Variants in CAPZB observed in about 807,000 individuals in gnomAD.
CAPZB encodes the protein capping actin protein of muscle Z-line subunit beta.
A neutral mutation model predicts 38.1 loss-of-function variants in CAPZB; 2 were observed. The observed-to-expected ratio is 0.05, with a 90% CI of 0.02 to 0.17. CAPZB has a LOEUF of 0.17. CAPZB is among the 10% of genes least tolerant of loss of function. CAPZB has a pLI of 1.00. For missense variants in CAPZB, 161 were observed against 334.2 expected, an observed-to-expected ratio of 0.48 and a Z score of 4.04; for synonymous variants, 107 against 127.4, an observed-to-expected ratio of 0.84 and a Z score of 1.08.
intron 4 of CAPZB, among the ~76,000 whole-genome samples, chr1:19,362,629 G>A (rs563416335): frequency 4.6e-5 from 7 of 152,068 alleles, no homozygotes; most frequent in East Asian, 1.9e-4. Flanking sequence ...CCAGGAGTTC[G>A]AGGCCAGCCT....
intron 2 of CAPZB, among the ~76,000 whole-genome samples, chr1:19,405,472 TC>T (rs747354362): frequency 3.4e-5 from 5 of 146,926 alleles, no homozygotes; most frequent in African/African-American, 1.0e-4. Flanking sequence ...GTATTAAGCC[TC>T]TTTAAAACAC....
At chr1:19,456,241 A>G (rs1000890152) in intron 1 of CAPZB, among the ~76,000 whole-genome samples, 3 of 152,224 alleles carry the variant, frequency 2.0e-5, no homozygotes, top group Non-Finnish European at 4.4e-5. Flanking sequence ...AGGGCAACCA[A>G]CAATCTGCTG....
At chr1:19,418,812 C>T (rs151154522) in intron 2 of CAPZB, among the ~76,000 whole-genome samples, 46 of 152,342 alleles carry the variant, frequency 3.0e-4, no homozygotes, top group African/African-American at 1.1e-3. Flanking sequence ...ATCACTACAG[C>T]ATATGAACAA....
chr1:19,380,896 G>A (rs774572861), intron 3 of CAPZB, among the ~76,000 whole-genome samples: 41 of 152,062 alleles, frequency 2.7e-4, no homozygotes, highest in African/African-American at 7.0e-4. Context: ...TTGGCCAGGC[G>A]CGGTAGCTCA....
chr1:19,366,479 A>T (rs2094088951), intron 4 of CAPZB, among the ~76,000 whole-genome samples: 2 of 151,498 alleles, frequency 1.3e-5, no homozygotes, highest in Non-Finnish European at 2.9e-5. Flanking sequence ...ACCTGAGGTC[A>T]GGAGTTCGAA....
intron 2 of CAPZB, among the ~76,000 whole-genome samples, chr1:19,391,181 A>C (rs762327996): frequency 1.6e-4 from 25 of 151,850 alleles, no homozygotes; most frequent in Non-Finnish European, 2.9e-4. Context: ...ATATGGTTCT[A>C]CTTTGCCTCT....
chr1:19,424,997 A>AC (rs2094417158), intron 1 of CAPZB, among the ~76,000 whole-genome samples: 3 of 152,384 alleles, frequency 2.0e-5, no homozygotes, highest in African/African-American at 7.2e-5. Flanking sequence ...TGTGGTGTGT[A>AC]CAATGATGAG....
chr1:19,370,810 C>A (rs1460973658), intron 4 of CAPZB, among the ~76,000 whole-genome samples: 4 of 152,182 alleles, frequency 2.6e-5, no homozygotes, highest in African/African-American at 4.8e-5. Flanking sequence ...CTGTAACCGA[C>A]CCACAGTTCC....
chr1:19,437,269 C>CAGG (rs1316303839), intron 1 of CAPZB, among the ~76,000 whole-genome samples: 2 of 152,194 alleles, frequency 1.3e-5, no homozygotes, highest in African/African-American at 4.8e-5. Flanking sequence ...CACAAGTCCT[C>CAGG]AGCCTGTGTC....
rs1438668031 is a variant in CAPZB, at chr1:19,478,190, C to T, written c.3+7246G>A. On this transcript the variant is annotated intron_variant, in intron 1 of 8. Transcript: ENST00000264202. ...GTCTGGTGTTTAAACAGAATGAGCC[C>T]CTTAAGACCACTCTCCTTGGGCAAG... is the stretch of plus-strand genomic sequence containing the variant. 2.0e-5 allele frequency among the ~76,000 whole-genome samples: 3 copies of T among 152,126 alleles called. No homozygotes were observed. The East Asian group carries it at 5.8e-4, about 29-fold the overall frequency.
At chr1:19,430,886 A>G (rs1371282718) in intron 1 of CAPZB, among the ~76,000 whole-genome samples, 1 of 152,116 alleles carries the variant, frequency 6.6e-6, no homozygotes, top group Non-Finnish European at 1.5e-5. Context: ...CAACAAACTC[A>G]TTGCTCAGGA....
chr1:19,366,284 AT>A (rs747261686), intron 4 of CAPZB, among the ~76,000 whole-genome samples: 28,319 of 89,100 alleles, frequency 0.32, 3,795 homozygotes, highest in South Asian at 0.42. Context: ...GTGTCTTAAA[AT>A]ATATATATAT....
chr1:19,398,875 ACT>A (rs2094287792), intron 2 of CAPZB, among the ~76,000 whole-genome samples: 1 of 110,260 alleles, frequency 9.1e-6, no homozygotes, highest in Non-Finnish European at 1.9e-5. Context: ...TAGCTGCACA[ACT>A]CTTTTTTTTT....
At chr1:19,435,887 G>A (rs998347869) in intron 1 of CAPZB, among the ~76,000 whole-genome samples, 4 of 152,182 alleles carry the variant, frequency 2.6e-5, no homozygotes, top group African/African-American at 9.7e-5. Context: ...GGGTTATTTA[G>A]CACCTACTTT....
At chr1:19,450,159 A>AAAAAAAAAAAAAAAAAAAAAAAAAAAAAG (rs2094510777) in intron 1 of CAPZB, among the ~76,000 whole-genome samples, 1 of 134,446 alleles carries the variant, frequency 7.4e-6, no homozygotes, top group Non-Finnish European at 1.6e-5. Context: ...AAAAAAAAAA[A>AAAAAAAAAAAAAAAAAAAAAAAAAAAAAG]AAAAAAAAAA....
At chr1:19,403,583 G>A (rs2100376525) in intron 2 of CAPZB, among the ~76,000 whole-genome samples, 2 of 152,380 alleles carry the variant, frequency 1.3e-5, no homozygotes, top group Middle Eastern at 6.8e-3. Context: ...CCGACAATGT[G>A]GAGTCATTAA....
At chr1:19,415,620 G>GC (rs1196196214) in intron 2 of CAPZB, among the ~76,000 whole-genome samples, 2 of 152,250 alleles carry the variant, frequency 1.3e-5, no homozygotes, top group Non-Finnish European at 2.9e-5. Flanking sequence ...CAAAGCCAGC[G>GC]CACTGCCCCT....
At chr1:19,402,562 C>T (rs2094308810) in intron 2 of CAPZB, among the ~76,000 whole-genome samples, 1 of 152,214 alleles carries the variant, frequency 6.6e-6, no homozygotes, top group South Asian at 2.1e-4. Context: ...GACACCAATT[C>T]ACACGCTCTA....
chr1:19,354,673 T>C (rs1474615542), intron 6 of CAPZB, among the ~76,000 whole-genome samples: 2 of 152,212 alleles, frequency 1.3e-5, no homozygotes, highest in Non-Finnish European at 1.5e-5. Flanking sequence ...GGAACCAGAC[T>C]CTGGCCATGG....
Sources: allele counts gnomAD v4.1 joint callset (sites outside exome capture counted in the v4.1 genomes callset), GRCh38; gene constraint gnomAD v4.1.1; transcripts MANE v1.5; gene names NCBI Gene and HGNC (gene_info 2026-07-23, HGNC 2026-07-21).